IFT74: variants seen among roughly 807,000 people sequenced by gnomAD.
IFT74 encodes the protein intraflagellar transport 74, also known as intraflagellar transport protein 74 homolog.
A neutral mutation model predicts 96.7 loss-of-function variants in IFT74; 92 were observed. The observed-to-expected ratio is 0.95, with a 90% CI of 0.80 to 1.13. The LOEUF (loss-of-function observed/expected upper bound fraction) is 1.13. IFT74 is among the 50% of genes most tolerant of loss of function. The pLI is 0.00. For synonymous variants in IFT74, 223 were observed against 213.2 expected (o/e 1.05, Z -0.40); for missense variants, 811 against 698.2 (o/e 1.16, Z -1.82).
At chr9:26,947,283 T>C in intron 1 of IFT74, 1 of 521,230 alleles carries the variant, frequency 1.9e-6, no homozygotes, top group Non-Finnish European at 3.3e-6. Flanking sequence ...CAGCCCTCCA[T>C]GACGCAGAGT....
At chr9:27,033,423 G>A (rs532054153) in intron 13 of IFT74, among the ~76,000 whole-genome samples, 3 of 152,172 alleles carry the variant, frequency 2.0e-5, no homozygotes, top group Admixed American at 1.3e-4. Flanking sequence ...GCCAGGCATG[G>A]TGATGTGTGT....
intron 15 of IFT74, 85 bp downstream of exon 15, chr9:27,047,456 C>G: frequency 4.1e-6 from 3 of 726,240 alleles, no homozygotes; most frequent in Middle Eastern, 4.8e-4. Flanking sequence ...TAGAACGGCT[C>G]ACTATTGTAT....
At chr9:26,992,035 CA>C (rs113482452) in intron 8 of IFT74, among the ~76,000 whole-genome samples, 127 of 131,192 alleles carry the variant, frequency 9.7e-4, no homozygotes, top group Middle Eastern at 8.5e-3. Context: ...GACTCCGTCT[CA>C]AAAAAAAAAA....
intron 1 of IFT74, among the ~76,000 whole-genome samples, chr9:26,958,027 A>G (rs1397768795): frequency 6.6e-6 from 1 of 152,150 alleles, no homozygotes; most frequent in Non-Finnish European, 1.5e-5. Context: ...TTCTGGGATT[A>G]CAGGCGTGAG....
chr9:27,046,682 T>C (rs1819712596), intron 14 of IFT74, among the ~76,000 whole-genome samples: 1 of 152,206 alleles, frequency 6.6e-6, no homozygotes, highest in Non-Finnish European at 1.5e-5. Flanking sequence ...ATTATTGATG[T>C]ATCAAAGGAG....
chr9:26,996,470 G>A (rs752426840), intron 8 of IFT74: 2 of 1,520,444 alleles, frequency 1.3e-6, no homozygotes, highest in East Asian at 4.7e-5. Context: ...AGGCTGTTGG[G>A]GTAGCTACAC....
chr9:26,996,422 C>T (rs1236651361), intron 8 of IFT74: 1 of 1,608,908 alleles, frequency 6.2e-7, no homozygotes, highest in Non-Finnish European at 8.5e-7. Context: ...GAGTGGCATT[C>T]AGCCTTATGA....
chr9:26,982,286 AC>A, intron 4 of IFT74: 1 of 360,266 alleles, frequency 2.8e-6, no homozygotes, highest in South Asian at 2.0e-5. Context: ...TTTTTTTGAG[AC>A]GGAGTTTTGC....
At chr9:26,952,314 G>C (rs939577488), upstream of IFT74, among the ~76,000 whole-genome samples, 1 of 122,314 alleles carries the variant, frequency 8.2e-6, no homozygotes, top group Non-Finnish European at 1.7e-5. Flanking sequence ...TCTTACTCTT[G>C]TCCCCAAGCT....
chr9:27,020,837 G>C (rs1217093797), intron 12 of IFT74, among the ~76,000 whole-genome samples: 1 of 151,888 alleles, frequency 6.6e-6, no homozygotes, highest in Admixed American at 6.6e-5. Flanking sequence ...ATAATTTCTT[G>C]AGTGGTGATT....
chr9:26,982,237 G>C (rs944596577), intron 4 of IFT74: 2 of 319,924 alleles, frequency 6.3e-6, no homozygotes, highest in African/African-American at 4.6e-5. Context: ...TGCTACCAAT[G>C]TGGCCTAATT....
At chr9:26,963,559 G>C (rs1040238873) in intron 2 of IFT74, among the ~76,000 whole-genome samples, 1 of 150,806 alleles carries the variant, frequency 6.6e-6, no homozygotes, top group Non-Finnish European at 1.5e-5. Context: ...GGTTGAACTA[G>C]TTTACAGTCC....
rs1032624607 is a variant in IFT74, at chr9:26,984,328, A to G, written c.377A>G (p.Asn126Ser). The G allele has an allele frequency of 5.7e-6, 9 of 1,583,978 alleles. No homozygotes were observed. Among genetic ancestry groups the G allele is most frequent in the Non-Finnish European group, 6.9e-6 (8 of 1,163,774 alleles). Residue 126 changes from asparagine to serine, a missense_variant, in exon 5 of 20, where the codon AAT becomes AGT. Asn to Ser is a conservative substitution (Grantham distance 46). Transcript: ENST00000380062. ...QKGIEMYNQE[N>S]SVYLSYEKRA... ...GGAATAGAAATGTACAATCAAGAGA[A>G]TTCAGTATATTTGTCATATGAAAAG...
intron 13 of IFT74, among the ~76,000 whole-genome samples, chr9:27,037,481 C>A (rs913482328): frequency 6.6e-6 from 1 of 152,138 alleles, no homozygotes; most frequent in Non-Finnish European, 1.5e-5. Context: ...AGCTGATGAC[C>A]AGGCAGTATC....
intron 8 of IFT74, among the ~76,000 whole-genome samples, chr9:26,996,778 C>A (rs1402298415): frequency 6.6e-6 from 1 of 152,070 alleles, no homozygotes; most frequent in Non-Finnish European, 1.5e-5. Context: ...CAATCTGGAT[C>A]TCAGGCACAG....
At chr9:26,962,889 G>C (rs981716384) in intron 2 of IFT74, among the ~76,000 whole-genome samples, 5 of 150,846 alleles carry the variant, frequency 3.3e-5, no homozygotes, top group Middle Eastern at 3.4e-3. Context: ...ACCATATATA[G>C]GATCAGAATC....
intron 1 of IFT74, 96 bp from the exon 2 acceptor site, chr9:26,961,853 A>G: frequency 7.5e-7 from 1 of 1,338,006 alleles, no homozygotes; most frequent in Non-Finnish European, 1.0e-6. Flanking sequence ...GTTTGCAAGA[A>G]CAATTGTTGT....
At chr9:26,957,856 C>G (rs901262539) in intron 1 of IFT74, among the ~76,000 whole-genome samples, 2 of 151,640 alleles carry the variant, frequency 1.3e-5, no homozygotes, top group African/African-American at 4.8e-5. Context: ...TGCAGTGGCG[C>G]GATCTCGGCT....
At chr9:27,030,175 G>A (rs1830056473) in intron 13 of IFT74, among the ~76,000 whole-genome samples, 1 of 152,090 alleles carries the variant, frequency 6.6e-6, no homozygotes, top group Non-Finnish European at 1.5e-5. Context: ...CTATGCTCTT[G>A]GATTATCAAG....
Sources: allele counts gnomAD v4.1 joint callset (sites outside exome capture counted in the v4.1 genomes callset), GRCh38; gene constraint gnomAD v4.1.1; transcripts MANE v1.5; gene names NCBI Gene and HGNC (gene_info 2026-07-23, HGNC 2026-07-21).